Variants in THSD4 observed in about 807,000 individuals in gnomAD.
THSD4 encodes thrombospondin type-1 domain-containing protein 4.
Under a neutral mutation model 119.0 loss-of-function variants are expected in THSD4, and 69 were observed. The ratio of observed to expected loss-of-function variants is 0.58; its 90% confidence interval spans 0.48 to 0.71. The LOEUF (loss-of-function observed/expected upper bound fraction) is 0.71. Ranked by LOEUF, THSD4 falls within the 30% of genes least tolerant of loss-of-function variation. The pLI is 0.00. For missense variants in THSD4, 1,393 were observed against 1,391.1 expected (o/e 1.00, Z -0.02); for synonymous variants, 524 against 540.4 (o/e 0.97, Z 0.42).
intron 6 of THSD4, among the ~76,000 whole-genome samples, chr15:71,263,331 G>GTGTATATATATA (rs1555458973): frequency 7.2e-5 from 10 of 138,840 alleles, no homozygotes; most frequent in East Asian, 2.0e-4. Flanking sequence ...GTATTCCATG[G>GTGTATATATATA]TATATATATA....
At chr15:71,137,364 A>G (rs1034323612) in intron 1 of THSD4, among the ~76,000 whole-genome samples, 5 of 152,050 alleles carry the variant, frequency 3.3e-5, no homozygotes, top group Non-Finnish European at 7.4e-5. Context: ...GGCCTGAGAT[A>G]ATGTTTGGCT....
At chr15:71,101,435 A>G (rs971540489) in intron 1 of THSD4, among the ~76,000 whole-genome samples, 1 of 152,140 alleles carries the variant, frequency 6.6e-6, no homozygotes, top group Non-Finnish European at 1.5e-5. Flanking sequence ...CCATCAGTCA[A>G]TGTTACAATT....
chr15:71,771,278 A>G, intron 17 of THSD4, 70 bp downstream of exon 17: 2 of 1,581,292 alleles, frequency 1.3e-6, no homozygotes, highest in Non-Finnish European at 1.7e-6. Flanking sequence ...CCGGTGTGAC[A>G]ATAACAAGCC....
At chr15:71,300,183 G>GT (rs1219889951) in intron 6 of THSD4, among the ~76,000 whole-genome samples, 11 of 151,568 alleles carry the variant, frequency 7.3e-5, no homozygotes. Flanking sequence ...TATAAAATTA[G>GT]TTTTTTAAAA....
chr15:71,608,247 T>C (rs62022830), intron 7 of THSD4, among the ~76,000 whole-genome samples: 21,287 of 70,426 alleles, frequency 0.3, 2,284 homozygotes, highest in Non-Finnish European at 0.34. Flanking sequence ...AATATATATA[T>C]ATACACACAC....
At chr15:71,533,338 CTG>C (rs1221979131) in intron 7 of THSD4, among the ~76,000 whole-genome samples, 1 of 152,198 alleles carries the variant, frequency 6.6e-6, no homozygotes, top group Non-Finnish European at 1.5e-5. Context: ...ATCACTTTTT[CTG>C]TGTGTAATGA....
intron 7 of THSD4, among the ~76,000 whole-genome samples, chr15:71,506,577 G>C (rs1353393727): frequency 6.6e-6 from 1 of 152,232 alleles, no homozygotes; most frequent in Non-Finnish European, 1.5e-5. Flanking sequence ...CATCCCATCA[G>C]ATACAAGAAT....
At chr15:71,196,629 T>C (rs180813958) in intron 3 of THSD4, among the ~76,000 whole-genome samples, 6 of 152,052 alleles carry the variant, frequency 3.9e-5, no homozygotes, top group Admixed American at 3.9e-4. Flanking sequence ...GATGAGAAGA[T>C]AGTGAGATGA....
chr15:71,305,195 T>A (rs1225337992), intron 6 of THSD4, among the ~76,000 whole-genome samples: 1 of 152,180 alleles, frequency 6.6e-6, no homozygotes, highest in African/African-American at 2.4e-5. Flanking sequence ...TGGAAGACAT[T>A]TGTCTCTATT....
At chr15:71,104,602 A>G (rs1162398017) in intron 1 of THSD4, among the ~76,000 whole-genome samples, 2 of 152,124 alleles carry the variant, frequency 1.3e-5, no homozygotes, top group African/African-American at 4.8e-5. Flanking sequence ...GTCCTGAGAA[A>G]GTGTGTCTGT....
intron 6 of THSD4, among the ~76,000 whole-genome samples, chr15:71,275,869 C>T (rs1480854231): frequency 6.6e-6 from 1 of 152,218 alleles, no homozygotes; most frequent in Non-Finnish European, 1.5e-5. Flanking sequence ...GCTTCCCCTT[C>T]TGCGATGATT....
intron 6 of THSD4, among the ~76,000 whole-genome samples, chr15:71,276,418 T>TA (rs1367962818): frequency 1.3e-5 from 2 of 152,222 alleles, no homozygotes; most frequent in Non-Finnish European, 2.9e-5. Context: ...CTCTTCCCTT[T>TA]AGAGTGTGGT....
At position 71,593,863 on chromosome 15, in the gene THSD4, C is replaced by T. The variant is rs1274055749; in HGVS notation, c.1153-66667C>T. Among the ~76,000 whole-genome samples the T allele has an allele frequency of 2.0e-5, 3 of 152,110 alleles. No homozygotes were observed. In the East Asian group the frequency reaches 5.8e-4, roughly 29 times the overall value. On this transcript the variant is annotated intron_variant, in intron 7 of 17. Coordinates refer to ENST00000261862, the MANE Select transcript of THSD4 (RefSeq NM_024817.3). ...AGACTGCAGTGAGCCATGATTGCGC[C>T]ACTGCACTCCAGCCTGGACAACAAC...
chr15:71,406,064 G>A (rs546942054), intron 6 of THSD4, among the ~76,000 whole-genome samples: 13 of 152,010 alleles, frequency 8.6e-5, no homozygotes, highest in African/African-American at 1.4e-4. Flanking sequence ...CAGGTTACAC[G>A]CATGAGCACC....
intron 8 of THSD4, among the ~76,000 whole-genome samples, chr15:71,711,822 G>T (rs1462630062): frequency 6.6e-6 from 1 of 152,066 alleles, no homozygotes; most frequent in Non-Finnish European, 1.5e-5. Flanking sequence ...CAGATTACAT[G>T]ATAATAAAGG....
intron 7 of THSD4, among the ~76,000 whole-genome samples, chr15:71,554,142 T>A (rs1408697451): frequency 6.9e-6 from 1 of 145,964 alleles, no homozygotes; most frequent in Admixed American, 7.0e-5. Flanking sequence ...CAGGCTGGAG[T>A]GCAGTGGCAC....
chr15:71,748,394 C>T (rs768884057), intron 13 of THSD4, 27 bp from the exon 14 acceptor site: 1 of 1,612,426 alleles, frequency 6.2e-7, no homozygotes, highest in Non-Finnish European at 8.5e-7. Context: ...CTGCTGGTTC[C>T]CCTGACGTCA....
At chr15:71,216,885 A>T (rs2043937361) in intron 4 of THSD4, among the ~76,000 whole-genome samples, 1 of 151,280 alleles carries the variant, frequency 6.6e-6, no homozygotes, top group Admixed American at 6.6e-5. Context: ...GCAGCCTCCA[A>T]CTCCGGGTTC....
intron 4 of THSD4, among the ~76,000 whole-genome samples, chr15:71,235,564 C>T (rs1039804308): frequency 5.4e-5 from 8 of 149,198 alleles, no homozygotes; most frequent in Admixed American, 1.3e-4. Context: ...TAGCAAGATG[C>T]AAGGAATGCC....
Sources: gnomAD v4.1 joint callset for allele counts (sites outside exome capture counted in the v4.1 genomes callset) on GRCh38, gnomAD v4.1.1 for gene constraint, MANE v1.5 for transcripts, NCBI Gene and HGNC (gene_info 2026-07-23, HGNC 2026-07-21) for gene names.